The following MAN2A1 variants were observed in gnomAD, a reference collection of about 807,000 sequenced individuals.
The protein encoded by MAN2A1 is alpha-mannosidase 2.
Under a neutral mutation model 142.6 loss-of-function variants are expected in MAN2A1, and 76 were observed. That is an observed-to-expected ratio of 0.53 (90% confidence interval 0.44 to 0.65). The LOEUF (loss-of-function observed/expected upper bound fraction) is 0.65, where lower values mean the gene tolerates loss of function less well. Ranked by LOEUF, MAN2A1 falls within the 30% of genes least tolerant of loss-of-function variation. The probability of loss-of-function intolerance (pLI) is 0.00; values close to 1 mark genes in which losing one functional copy is unlikely to be tolerated. For synonymous variants in MAN2A1, 559 were observed against 473.2 expected, an observed-to-expected ratio of 1.18 and a Z score of -2.35; for missense variants, 1,311 against 1,365.1, an observed-to-expected ratio of 0.96 and a Z score of 0.62.
chr5:109,739,769 C>G (rs1349899094), intron 4 of MAN2A1, among the ~76,000 whole-genome samples: 3 of 152,068 alleles, frequency 2.0e-5, no homozygotes, highest in African/African-American at 7.2e-5. Context: ...GACCAGCATC[C>G]ACTTCACCTG....
intron 10 of MAN2A1, among the ~76,000 whole-genome samples, chr5:109,785,636 G>A (rs1268994044): frequency 6.6e-6 from 1 of 152,020 alleles, no homozygotes; most frequent in Non-Finnish European, 1.5e-5. Flanking sequence ...TAATAAGGGG[G>A]AAGAAATCTT....
intron 4 of MAN2A1, among the ~76,000 whole-genome samples, chr5:109,742,841 A>C (rs900147620): frequency 6.6e-6 from 1 of 152,232 alleles, no homozygotes; most frequent in Non-Finnish European, 1.5e-5. Flanking sequence ...CTAATAGTTG[A>C]AGCAGTGGTT....
chr5:109,700,845 A>G (rs1367728312), intron 1 of MAN2A1, among the ~76,000 whole-genome samples: 2 of 152,220 alleles, frequency 1.3e-5, no homozygotes, highest in Non-Finnish European at 2.9e-5. Flanking sequence ...CCCATATCCA[A>G]CATATATTTG....
intron 1 of MAN2A1, among the ~76,000 whole-genome samples, chr5:109,706,817 G>A (rs996640486): frequency 6.6e-6 from 1 of 152,056 alleles, no homozygotes; most frequent in African/African-American, 2.4e-5. Flanking sequence ...ACACTTTGGG[G>A]TAAAGTTTTG....
intron 5 of MAN2A1, among the ~76,000 whole-genome samples, chr5:109,761,643 T>C (rs1012346990): frequency 6.6e-6 from 1 of 152,108 alleles, no homozygotes; most frequent in Non-Finnish European, 1.5e-5. Flanking sequence ...TTTTTTAATG[T>C]ACTACATTTG....
chr5:109,721,133 G>A (rs905860767), intron 3 of MAN2A1, among the ~76,000 whole-genome samples: 3 of 152,162 alleles, frequency 2.0e-5, no homozygotes, highest in Non-Finnish European at 4.4e-5. Context: ...TGAGGGCAGC[G>A]AGGCTAAGTT....
chr5:109,821,669 A>T (rs2112727871), intron 15 of MAN2A1, among the ~76,000 whole-genome samples: 1 of 152,260 alleles, frequency 6.6e-6, no homozygotes, highest in South Asian at 2.1e-4. Flanking sequence ...GTTACTAGTA[A>T]GGTTGAACGT....
chr5:109,755,813 A>G (rs909064822), intron 5 of MAN2A1, among the ~76,000 whole-genome samples: 1 of 151,986 alleles, frequency 6.6e-6, no homozygotes. Context: ...TCATTATGTC[A>G]CTGAGTGTTC....
At chr5:109,740,786 G>A (rs1476255227) in intron 4 of MAN2A1, among the ~76,000 whole-genome samples, 1 of 152,174 alleles carries the variant, frequency 6.6e-6, no homozygotes, top group Non-Finnish European at 1.5e-5. Context: ...TTGCAGGTCA[G>A]TACTTGAATT....
At chr5:109,764,091 G>A (rs905540003) in intron 5 of MAN2A1, among the ~76,000 whole-genome samples, 36 of 152,152 alleles carry the variant, frequency 2.4e-4, no homozygotes, top group South Asian at 6.2e-4. Flanking sequence ...ATGAGCCACC[G>A]TGTCCGGCCT....
intron 4 of MAN2A1, among the ~76,000 whole-genome samples, chr5:109,733,167 C>T (rs1458627503): frequency 3.9e-5 from 6 of 152,064 alleles, no homozygotes; most frequent in Admixed American, 3.9e-4. Context: ...CTCTGTTTGT[C>T]TGTTATTGGT....
At chr5:109,832,112 A>C (rs1167655300) in intron 16 of MAN2A1, among the ~76,000 whole-genome samples, 1 of 150,732 alleles carries the variant, frequency 6.6e-6, no homozygotes, top group Non-Finnish European at 1.5e-5. Flanking sequence ...ATATCAGTGC[A>C]AAGGAAAGTT....
At chr5:109,785,791 A>G (rs1753581075) in intron 10 of MAN2A1, among the ~76,000 whole-genome samples, 1 of 152,066 alleles carries the variant, frequency 6.6e-6, no homozygotes, top group Non-Finnish European at 1.5e-5. Flanking sequence ...TCTTCCTGAT[A>G]CTGTTTATCA....
At chr5:109,865,451 C>T in intron 21 of MAN2A1, 2 of 342,440 alleles carry the variant, frequency 5.8e-6, no homozygotes, top group South Asian at 5.7e-5. Context: ...CAGTTTTCTC[C>T]TCCCCTGAAC....
chr5:109,782,080 G>A (rs1042832133), intron 9 of MAN2A1, among the ~76,000 whole-genome samples: 3 of 152,090 alleles, frequency 2.0e-5, no homozygotes, highest in Admixed American at 6.6e-5. Flanking sequence ...TTTAGACTAG[G>A]CTTCATCTCA....
rs367772250 is a variant in MAN2A1 at position 109,781,523 on chromosome 5, A to G, written c.1502A>G (p.Asp501Gly). Residue 501 changes from aspartate to glycine, a missense_variant, in exon 9 of 22, where the codon GAT (aspartate) becomes GGT (glycine). Physicochemically the swap from Asp to Gly is moderately conservative, Grantham distance 94 (BLOSUM62 -1). This residue lies in a region of MAN2A1 where 890 missense variants were observed against 920.5 expected (regional missense o/e 0.97). Coordinates refer to ENST00000261483, the MANE Select transcript of MAN2A1 (RefSeq NM_002372.4). The stretch of plus-strand genomic sequence containing the variant: ...TTTTTCACTTATGCCGATCGAGATG[A>G]TCATTACTGGAGTGGCTATTTTACA... ...GDFFTYADRD[D>G]HYWSGYFTSR... is the part of the protein sequence containing the mutation. 1.5e-5 allele frequency: 25 copies of G among 1,613,314 alleles called. No homozygotes were observed. Among genetic ancestry groups the G allele is most frequent in the Non-Finnish European group, 2.0e-5 (24 of 1,179,728 alleles).
chr5:109,829,644 T>C (rs1182615698), intron 16 of MAN2A1, among the ~76,000 whole-genome samples: 2 of 152,230 alleles, frequency 1.3e-5, no homozygotes, highest in Non-Finnish European at 2.9e-5. Context: ...CCTGTTACAA[T>C]TCTTCAAAGA....
At chr5:109,693,229 A>G (rs1305332905) in intron 1 of MAN2A1, among the ~76,000 whole-genome samples, 3 of 152,220 alleles carry the variant, frequency 2.0e-5, no homozygotes, top group Non-Finnish European at 2.9e-5. Flanking sequence ...GCTAAACATT[A>G]TAATGAAAAC....
intron 12 of MAN2A1, among the ~76,000 whole-genome samples, chr5:109,794,937 A>T (rs1486143607): frequency 6.6e-6 from 1 of 152,054 alleles, no homozygotes; most frequent in Non-Finnish European, 1.5e-5. Context: ...AGCACTTTTC[A>T]TCTTGTCTGT....
Sources: gnomAD v4.1 joint callset for allele counts (sites outside exome capture counted in the v4.1 genomes callset) on GRCh38, gnomAD v4.1.1 for gene constraint, gnomAD v4.1.1 regional missense constraint, MANE v1.5 for transcripts, NCBI Gene and HGNC (gene_info 2026-07-23, HGNC 2026-07-21) for gene names.